The following KIRREL3 variants were observed in gnomAD, a reference collection of about 807,000 sequenced individuals.
KIRREL3 encodes the protein kin of IRRE-like protein 3.
KIRREL3 carries 36 observed loss-of-function variants against 89.7 expected under a neutral mutation model. The ratio of observed to expected loss-of-function variants is 0.40; its 90% confidence interval spans 0.31 to 0.53. The LOEUF (loss-of-function observed/expected upper bound fraction) is 0.53, where lower values mean the gene tolerates loss of function less well. KIRREL3 is among the 20% of genes least tolerant of loss of function. KIRREL3 has a pLI of 0.49. For missense variants in KIRREL3, 864 were observed against 1,056.6 expected (o/e 0.82, Z 2.53); for synonymous variants, 445 against 441.4 (o/e 1.01, Z -0.10).
Position 126,970,854 on chromosome 11 carries a change from C to A in KIRREL3, c.55+29601G>T, listed in dbSNP as rs1401361923. 6.6e-6 allele frequency among the ~76,000 whole-genome samples: 1 copy of A among 152,106 alleles called. No individual in the cohort carries two copies. Among genetic ancestry groups the A allele is most frequent in the Non-Finnish European group, 1.5e-5 (1 of 68,006 alleles). On this transcript the variant is annotated intron_variant, in intron 1 of 16. Coordinates refer to ENST00000525144, the MANE Select transcript of KIRREL3 (RefSeq NM_032531.4). The surrounding 1 kb of genome is among the most constrained non-coding windows in gnomAD (Gnocchi z 4.4). ...CATAGAAACACTTGCAAATTAGGAT[C>A]CAATGAGGCTCACCTGCTGCCAGGT...
intron 1 of KIRREL3, among the ~76,000 whole-genome samples, chr11:126,914,027 C>A (rs1946936852): frequency 6.6e-6 from 1 of 152,228 alleles, no homozygotes; most frequent in Admixed American, 6.5e-5. Context: ...TCAGCATCGA[C>A]TCTTGCTTGG....
At position 126,987,234 on chromosome 11, in the gene KIRREL3, T is replaced by G. The variant is rs926262783; in HGVS notation, c.55+13221A>C. 4.6e-5 allele frequency among the ~76,000 whole-genome samples: 7 copies of G among 152,212 alleles called. No homozygotes were observed. Among genetic ancestry groups the G allele is most frequent in the Admixed American group, 3.9e-4 (6 of 15,282 alleles). ...AAGGGGATACACTGACCCACAAAGA[T>G]TCCTTTTCCATTGCAATTGTGAGTG... On this transcript the variant is annotated intron_variant, in intron 1 of 16. Coordinates refer to ENST00000525144, the MANE Select transcript of KIRREL3 (RefSeq NM_032531.4). The surrounding 1 kb of genome is among the most constrained non-coding windows in gnomAD (Gnocchi z 4.6).
intron 1 of KIRREL3, among the ~76,000 whole-genome samples, chr11:126,923,268 TCCTTCTCCTTCTCC>T (rs1947530108): frequency 4.9e-5 from 4 of 82,260 alleles, no homozygotes; most frequent in African/African-American, 2.5e-4. Flanking sequence ...CTTCTTCTTC[TCCTTCTCCTTCTCC>T]TTCTCCTTCT....
intron 1 of KIRREL3, among the ~76,000 whole-genome samples, chr11:126,591,447 G>A (rs1942128962): frequency 1.3e-5 from 2 of 152,182 alleles, no homozygotes; most frequent in Admixed American, 1.3e-4. Flanking sequence ...AACAGCCAGG[G>A]CATTACTGCA....
intron 1 of KIRREL3, among the ~76,000 whole-genome samples, chr11:126,835,577 T>A (rs1212656579): frequency 6.6e-6 from 1 of 152,236 alleles, no homozygotes; most frequent in Non-Finnish European, 1.5e-5. Flanking sequence ...AATTTTGATG[T>A]GGTCCCTAGC....
chr11:126,784,457 G>C (rs563202511), intron 1 of KIRREL3, among the ~76,000 whole-genome samples: 1 of 152,288 alleles, frequency 6.6e-6, no homozygotes, highest in East Asian at 1.9e-4. Flanking sequence ...CTCATGTTAG[G>C]GTACATGACT....
At position 126,485,887 on chromosome 11, in the gene KIRREL3, G is replaced by C. The variant is rs1295660661; in HGVS notation, c.434-12421C>G. Among the ~76,000 whole-genome samples the C allele has an allele frequency of 6.6e-6, 1 of 152,248 alleles. No individual in the cohort carries two copies. Among genetic ancestry groups the C allele is most frequent in the Non-Finnish European group, 1.5e-5 (1 of 68,042 alleles). Reference sequence around the variant, plus strand: ...CTGATGGGCAGCCCTGCTGCCTTTAGGCAGGAGACCCCAAGGGAGGGAGGG... The same window carrying C: ...CTGATGGGCAGCCCTGCTGCCTTTACGCAGGAGACCCCAAGGGAGGGAGGG... On this transcript the variant is annotated intron_variant, in intron 4 of 16. Transcript: ENST00000525144. This position sits in a 1 kb window ranked among gnomAD's most constrained non-coding sequence, Gnocchi z 5.8.
intron 1 of KIRREL3, among the ~76,000 whole-genome samples, chr11:126,670,413 C>T (rs1365614511): frequency 1.3e-5 from 2 of 152,132 alleles, no homozygotes; most frequent in South Asian, 2.1e-4. Context: ...TATCTGTTCT[C>T]ACCACCCCTA....
intron 1 of KIRREL3, among the ~76,000 whole-genome samples, chr11:126,839,249 C>T (rs1943881274): frequency 6.6e-6 from 1 of 152,130 alleles, no homozygotes; most frequent in African/African-American, 2.4e-5. Flanking sequence ...TGCAGCAATA[C>T]TGGGGTGAAG....
intron 1 of KIRREL3, among the ~76,000 whole-genome samples, chr11:126,777,521 C>G (rs1406145446): frequency 6.6e-6 from 1 of 152,130 alleles, no homozygotes; most frequent in African/African-American, 2.4e-5. Flanking sequence ...AAGGCCAGAG[C>G]AGAGCTGACT....
rs12279436 is a variant in KIRREL3 at position 126,566,149 on chromosome 11, C to T, written c.56-3237G>A. ...AAAGCTGGCTATGGAAAAATAATTA[C>T]CATGAAAGGAGTCAGCCCTGGCTTA... On this transcript the variant is annotated intron_variant, in intron 1 of 16. Coordinates refer to ENST00000525144, the MANE Select transcript of KIRREL3 (RefSeq NM_032531.4). This position sits in a 1 kb window ranked among gnomAD's most constrained non-coding sequence, Gnocchi z 4.9. Among the ~76,000 whole-genome samples, 4,716 of 152,154 alleles carry T rather than the reference C, an allele frequency of 0.031. 230 individuals carry two copies. The highest frequency in any genetic ancestry group is 0.11 in the African/African-American group (4,364 of 41,486).
chr11:126,986,470 G>T (rs955056061), intron 1 of KIRREL3, among the ~76,000 whole-genome samples: 1 of 152,078 alleles, frequency 6.6e-6, no homozygotes, highest in Non-Finnish European at 1.5e-5. Context: ...AGCATCTCTG[G>T]TGTACAGCAT....
chr11:126,792,236 G>A (rs1219561074), intron 1 of KIRREL3, among the ~76,000 whole-genome samples: 1 of 152,176 alleles, frequency 6.6e-6, no homozygotes, highest in Non-Finnish European at 1.5e-5. Flanking sequence ...CTGTAGAATG[G>A]ACATCATCAT....
chr11:126,632,793 A>G (rs1359226059), intron 1 of KIRREL3, among the ~76,000 whole-genome samples: 4 of 12,552 alleles, frequency 3.2e-4, no homozygotes, highest in African/African-American at 1.1e-3. Flanking sequence ...TCTAAACTTA[A>G]AAAAAAAAAA....
chr11:126,532,267 G>A (rs1184637825), intron 2 of KIRREL3, among the ~76,000 whole-genome samples: 1 of 152,122 alleles, frequency 6.6e-6, no homozygotes, highest in African/African-American at 2.4e-5. Context: ...ACCACTATCC[G>A]ATGTAGGTTG....
intron 11 of KIRREL3, among the ~76,000 whole-genome samples, chr11:126,439,159 T>C (rs543446195): frequency 6.6e-6 from 1 of 151,972 alleles, no homozygotes; most frequent in Non-Finnish European, 1.5e-5. Context: ...GGTGAAACCT[T>C]ATCTACTAAA....
intron 1 of KIRREL3, among the ~76,000 whole-genome samples, chr11:126,962,094 T>C (rs756540048): frequency 1.3e-5 from 2 of 152,232 alleles, no homozygotes; most frequent in African/African-American, 4.8e-5. Context: ...AATGTTGTTT[T>C]CTTGCCTGCT....
chr11:126,804,573 G>T (rs1951144632), intron 1 of KIRREL3, among the ~76,000 whole-genome samples: 1 of 152,168 alleles, frequency 6.6e-6, no homozygotes, highest in African/African-American at 2.4e-5. Flanking sequence ...AAATATTTCT[G>T]AAACTGGTTT....
chr11:126,816,592 G>C (rs759860143), intron 1 of KIRREL3, among the ~76,000 whole-genome samples: 1 of 152,176 alleles, frequency 6.6e-6, no homozygotes, highest in Admixed American at 6.5e-5. Context: ...GCTGAATTTT[G>C]AGGCCAGACC....
Sources: gnomAD v4.1 joint callset for allele counts (sites outside exome capture counted in the v4.1 genomes callset) on GRCh38, gnomAD v4.1.1 for gene constraint, Gnocchi (gnomAD v3.1) non-coding constraint, MANE v1.5 for transcripts, NCBI Gene and HGNC (gene_info 2026-07-23, HGNC 2026-07-21) for gene names.